The following CD200R1L variants were observed in gnomAD, a reference collection of about 807,000 sequenced individuals.
CD200R1L encodes the protein cell surface glycoprotein CD200 receptor 2.
A neutral mutation model predicts 24.8 loss-of-function variants in CD200R1L; 14 were observed. The ratio of observed to expected loss-of-function variants is 0.56; its 90% confidence interval spans 0.37 to 0.88. The LOEUF (loss-of-function observed/expected upper bound fraction) is 0.88, where lower values mean the gene tolerates loss of function less well. CD200R1L is among the 40% of genes least tolerant of loss of function. CD200R1L has a pLI of 0.00. For missense variants in CD200R1L, 299 were observed against 297.8 expected, an observed-to-expected ratio of 1.00 and a Z score of -0.03; for synonymous variants, 111 against 109.2, an observed-to-expected ratio of 1.02 and a Z score of -0.11.
chr3:112,825,839 G>A (rs927580875), intron 6 of CD200R1L, among the ~76,000 whole-genome samples: 4 of 152,200 alleles, frequency 2.6e-5, no homozygotes, highest in Admixed American at 1.3e-4. Context: ...TGGGTTGAAT[G>A]TTGGTACTAC....
In CD200R1L at chr3:112,815,949, C is replaced by T. The variant is rs763472679; in HGVS notation, c.*14G>A. The T allele has an allele frequency of 6.4e-6, 5 of 780,448 alleles. No homozygotes were observed. The South Asian group carries it at 6.7e-5, about 10-fold the overall frequency. The allele number at this position is 780,448 out of a possible 1,614,324, so 48.3% of individuals were successfully genotyped here. ...GACAAGGAGGAGAAGCAAAAGAAGA[C>T]CCTTCCTTCTTCTTTAAAGAACTTT... On this transcript the variant is annotated 3_prime_UTR_variant, in exon 8 of 8. Coordinates refer to ENST00000488794, the MANE Select transcript of CD200R1L (RefSeq NM_001199215.3).
At chr3:112,824,918 A>C (rs1401057097) in intron 6 of CD200R1L, among the ~76,000 whole-genome samples, 1 of 152,188 alleles carries the variant, frequency 6.6e-6, no homozygotes, top group Non-Finnish European at 1.5e-5. Context: ...AAGTATAGGG[A>C]AAGAAGTGCC....
intron 6 of CD200R1L, among the ~76,000 whole-genome samples, chr3:112,823,621 G>A (rs1938593452): frequency 6.6e-6 from 1 of 152,208 alleles, no homozygotes; most frequent in African/African-American, 2.4e-5. Flanking sequence ...TTACAGGGCT[G>A]TGGAGGTGCT....
intron 2 of CD200R1L, among the ~76,000 whole-genome samples, chr3:112,839,838 CTG>C (rs1939039171): frequency 6.6e-6 from 1 of 152,182 alleles, no homozygotes; most frequent in African/African-American, 2.4e-5. Flanking sequence ...CCTGAAGAAA[CTG>C]TAATGATTTT....
chr3:112,845,802 A>AG lies in CD200R1L; in HGVS notation c.-211_-210insC. Reference sequence around the variant, plus strand: ...TTAAATCAATCAACAGACTTGGTGAATCTGTTTCTCTTGGTCACTTTTGCT... The same window carrying AG: ...TTAAATCAATCAACAGACTTGGTGAAGTCTGTTTCTCTTGGTCACTTTTGCT... On this transcript the variant is annotated 5_prime_UTR_variant, in exon 2 of 8. An upstream open reading frame in the 5' UTR loses its in-frame stop. Transcript: ENST00000488794. 8.4e-7 allele frequency: 1 copy of AG among 1,193,824 alleles called. No individual in the cohort carries two copies. Among genetic ancestry groups the AG allele is most frequent in the Non-Finnish European group, 1.2e-6 (1 of 807,096 alleles). The allele number at this position is 1,193,824 out of a possible 1,614,324, so 74.0% of individuals were successfully genotyped here.
intron 2 of CD200R1L, among the ~76,000 whole-genome samples, chr3:112,843,723 C>T (rs191287419): frequency 1.3e-5 from 2 of 152,266 alleles, no homozygotes; most frequent in African/African-American, 4.8e-5. Flanking sequence ...TGGAATTAAC[C>T]TAAATGTGCC....
At chr3:112,820,002 A>AGGCCGGGCGCGGTGGCTCACGC in intron 6 of CD200R1L, 107 bp from the exon 7 acceptor site, 1 of 1,032,594 alleles carries the variant, frequency 9.7e-7, no homozygotes, top group Non-Finnish European at 1.4e-6. Context: ...GAGTTCATGG[A>AGGCCGGGCGCGGTGGCTCACGC]CTGTCATAAT....
chr3:112,816,053 A>G (rs1006139158), intron 7 of CD200R1L, 78 bp from the exon 8 acceptor site: 14 of 750,230 alleles, frequency 1.9e-5, no homozygotes, highest in Middle Eastern at 2.8e-4. Context: ...AGCAAAGGAA[A>G]CTGAGAAATG....
At chr3:112,816,105 T>C in intron 7 of CD200R1L, 130 bp from the exon 8 acceptor site, 1 of 637,182 alleles carries the variant, frequency 1.6e-6, no homozygotes, top group Non-Finnish European at 2.9e-6. Context: ...TAAATTGGAG[T>C]TATGCTATTA....
intron 2 of CD200R1L, among the ~76,000 whole-genome samples, chr3:112,843,694 T>C (rs1939132686): frequency 6.6e-6 from 1 of 152,206 alleles, no homozygotes; most frequent in African/African-American, 2.4e-5. Flanking sequence ...AGTCAAGACT[T>C]CACATATCAA....
At chr3:112,834,346 A>T (rs780250282) in intron 3 of CD200R1L, among the ~76,000 whole-genome samples, 1 of 140,702 alleles carries the variant, frequency 7.1e-6, no homozygotes, top group Non-Finnish European at 1.5e-5. Context: ...TGTCATTCTT[A>T]TTGACTCGTT....
intron 6 of CD200R1L, among the ~76,000 whole-genome samples, chr3:112,822,577 C>T (rs1472462915): frequency 6.6e-6 from 1 of 152,124 alleles, no homozygotes; most frequent in Non-Finnish European, 1.5e-5. Flanking sequence ...GGTTGGCACT[C>T]CCAGAGACAT....
intron 2 of CD200R1L, among the ~76,000 whole-genome samples, chr3:112,843,132 T>C (rs576562178): frequency 6.6e-6 from 1 of 152,192 alleles, no homozygotes; most frequent in South Asian, 2.1e-4. Flanking sequence ...GTAAGCAACT[T>C]AGAAAACATA....
At chr3:112,832,569 C>T (rs2107344593) in intron 3 of CD200R1L, among the ~76,000 whole-genome samples, 1 of 152,168 alleles carries the variant, frequency 6.6e-6, no homozygotes, top group African/African-American at 2.4e-5. Context: ...AAATAGTGGT[C>T]CCCATCATGT....
Position 112,819,831 on chromosome 3 carries a change from A to C in CD200R1L, c.681T>G (p.Leu227=), listed in dbSNP as rs367732804. The change falls in exon 7 of 8, where the codon CTT becomes CTG. Residue 227 remains leucine (L), a synonymous_variant. Coordinates refer to ENST00000488794, the MANE Select transcript of CD200R1L (RefSeq NM_001199215.3). Reference sequence around the variant, plus strand: ...CTGTGGTGACCAGAATGACCACAAAAAGAGAGAGTTTCACATAAAGAATGA... The same window carrying C: ...CTGTGGTGACCAGAATGACCACAAACAGAGAGAGTTTCACATAAAGAATGA... ...LLIILYVKLS[L]FVVILVTTGF... is the part of the protein sequence containing the mutation. The C allele has an allele frequency of 6.5e-5, 105 of 1,611,790 alleles. No homozygotes were observed. The African/African-American group carries it at 1.3e-3, about 20-fold the overall frequency.
At chr3:112,834,376 A>G (rs1938882884) in intron 3 of CD200R1L, among the ~76,000 whole-genome samples, 1 of 151,792 alleles carries the variant, frequency 6.6e-6, no homozygotes, top group Admixed American at 6.6e-5. Context: ...TGTGCTTCCA[A>G]ATCCCAGTAA....
intron 6 of CD200R1L, among the ~76,000 whole-genome samples, chr3:112,823,958 G>A (rs1209250518): frequency 3.3e-5 from 5 of 151,902 alleles, no homozygotes; most frequent in South Asian, 2.1e-4. Context: ...AGCTCAATAC[G>A]AACTATAAGA....
intron 2 of CD200R1L, among the ~76,000 whole-genome samples, chr3:112,839,060 T>TACACAC (rs986922661): frequency 7.9e-5 from 12 of 151,478 alleles, no homozygotes; most frequent in Non-Finnish European, 1.6e-4. Flanking sequence ...CACACACACA[T>TACACAC]ACACACACAC....
intron 6 of CD200R1L, among the ~76,000 whole-genome samples, chr3:112,822,433 A>G (rs1938557091): frequency 6.6e-6 from 1 of 152,176 alleles, no homozygotes; most frequent in Non-Finnish European, 1.5e-5. Context: ...AGATTAAGCT[A>G]AAAACCAATG....
Sources: allele counts gnomAD v4.1 joint callset (sites outside exome capture counted in the v4.1 genomes callset), GRCh38; gene constraint gnomAD v4.1.1; transcripts MANE v1.5; gene names NCBI Gene and HGNC (gene_info 2026-07-23, HGNC 2026-07-21).